The following MAGEC3 variants were observed in gnomAD, a reference collection of about 807,000 sequenced individuals.
MAGEC3 encodes MAGE family member C3.
Under a neutral mutation model 35.3 loss-of-function variants are expected in MAGEC3, and 34 were observed. That is an observed-to-expected ratio of 0.96 (90% confidence interval 0.73 to 1.28). The LOEUF is 1.28. Among genes scored for constraint, MAGEC3 ranks in the 50% most tolerant of loss-of-function variants. The pLI is 0.00. For missense variants in MAGEC3, 561 were observed against 483.6 expected, an observed-to-expected ratio of 1.16 and a Z score of -1.50; for synonymous variants, 202 against 185.6, an observed-to-expected ratio of 1.09 and a Z score of -0.72.
intron 4 of MAGEC3, 91 bp from the exon 5 acceptor site, chrX:141,895,178 A>C: frequency 1.0e-6 from 1 of 953,230 alleles, no homozygotes. Flanking sequence ...AGTGCGGGGA[A>C]GTGGTCAGGA....
intron 4 of MAGEC3, among the ~76,000 whole-genome samples, chrX:141,893,108 C>T (rs1161526946): frequency 1.8e-5 from 2 of 111,489 alleles, no homozygotes; most frequent in South Asian, 3.8e-4. Context: ...TGTCATATGG[C>T]ATTTTAGAGA....
chrX:141,895,241 C>A, intron 4 of MAGEC3, 28 bp from the exon 5 acceptor site: 1 of 1,195,864 alleles, frequency 8.4e-7, no homozygotes, highest in Non-Finnish European at 1.1e-6. Context: ...GGAGAGGAGG[C>A]CCCACCCCAC....
chrX:141,865,672 T>G (rs1157696010), intron 2 of MAGEC3, 67 bp downstream of exon 2: 1 of 1,094,735 alleles, frequency 9.1e-7, no homozygotes, highest in Non-Finnish European at 1.2e-6. Flanking sequence ...AGCCCTGCCC[T>G]CCCTGTGCTG....
intron 2 of MAGEC3, among the ~76,000 whole-genome samples, chrX:141,876,836 G>A (rs187759344): frequency 6.2e-5 from 7 of 112,064 alleles, no homozygotes; most frequent in Non-Finnish European, 1.1e-4. Flanking sequence ...AATCAGTTAA[G>A]CACATGTTTA....
At chrX:141,838,774 C>T (rs1942215766) in intron 1 of MAGEC3, 13 of 751,361 alleles carry the variant, frequency 1.7e-5, no homozygotes, top group African/African-American at 2.3e-5. Flanking sequence ...CAGCAGCCCA[C>T]GCCTTCGTCC....
At chrX:141,893,990 A>T (rs917133646) in intron 4 of MAGEC3, among the ~76,000 whole-genome samples, 9 of 112,167 alleles carry the variant, frequency 8.0e-5, no homozygotes, top group Non-Finnish European at 1.5e-4. Context: ...GGAAGAGGGG[A>T]TATGCAACAA....
In MAGEC3 at chrX:141,895,855, G is replaced by A. The variant is rs77158240; in HGVS notation, c.1123+296G>A. ...TTCCCAGGCCCTGCTGGTGATAAGA[G>A]TGAGGACGGAGAGGTCCCACGTGCA... On this transcript the variant is annotated intron_variant, in intron 6 of 7. Transcript: ENST00000298296. Among the ~76,000 whole-genome samples the A allele has an allele frequency of 1.7e-3, 188 of 110,889 alleles. 3 individuals carry two copies. In the East Asian group the frequency reaches 0.048, roughly 28 times the overall value.
At chrX:141,855,929 G>A (rs1316475151) in intron 1 of MAGEC3, among the ~76,000 whole-genome samples, 4 of 111,346 alleles carry the variant, frequency 3.6e-5, no homozygotes, top group African/African-American at 6.5e-5. Context: ...CCAAGTTGGC[G>A]ACTAGAACAT....
intron 1 of MAGEC3, among the ~76,000 whole-genome samples, chrX:141,849,891 G>T (rs749524225): frequency 2.1e-4 from 23 of 111,348 alleles, no homozygotes; most frequent in Non-Finnish European, 4.0e-4. Context: ...CAAAGGAATA[G>T]AAATTATTCT....
At chrX:141,860,494 A>G (rs1278512787) in intron 1 of MAGEC3, among the ~76,000 whole-genome samples, 1 of 111,955 alleles carries the variant, frequency 8.9e-6, no homozygotes, top group Non-Finnish European at 1.9e-5. Flanking sequence ...AGATATGTGT[A>G]CACCCACATA....
chrX:141,896,951 G>A lies in MAGEC3; in HGVS notation c.1193G>A (p.Gly398Asp). The change falls in exon 7 of 8, where the codon GGT becomes GAT. Residue 398 changes from glycine to aspartate, a missense_variant. Transcript: ENST00000298296. ...PQSPPEIPPQ[G>D]PPKISPQGPP... ...AGTCCTCCTGAGATTCCTCCCCAGG[G>A]TCCTCCCAAGATCTCTCCCCAGGGT... 1 of 1,188,888 alleles carries A rather than the reference G, an allele frequency of 8.4e-7. No homozygotes were observed. Among genetic ancestry groups the A allele is most frequent in the Non-Finnish European group, 1.1e-6 (1 of 883,845 alleles).
At chrX:141,860,724 T>C (rs2017810157) in intron 1 of MAGEC3, among the ~76,000 whole-genome samples, 1 of 112,183 alleles carries the variant, frequency 8.9e-6, no homozygotes, top group South Asian at 3.7e-4. Context: ...ATAATCCTAC[T>C]TATGTGAGGT....
At chrX:141,889,933 A>T (rs1371778838) in intron 4 of MAGEC3, among the ~76,000 whole-genome samples, 2 of 112,859 alleles carry the variant, frequency 1.8e-5, no homozygotes, top group African/African-American at 6.4e-5. Flanking sequence ...TTCTTTAGTT[A>T]AAAACATGTT....
chrX:141,874,223 C>G (rs182498083), intron 2 of MAGEC3, among the ~76,000 whole-genome samples: 1 of 111,983 alleles, frequency 8.9e-6, no homozygotes, highest in African/African-American at 3.2e-5. Flanking sequence ...AATTCAATCA[C>G]AGACCTAAAT....
At chrX:141,849,362 T>C (rs1353689389) in intron 1 of MAGEC3, among the ~76,000 whole-genome samples, 1 of 111,197 alleles carries the variant, frequency 9.0e-6, no homozygotes, top group Non-Finnish European at 1.9e-5. Flanking sequence ...TTTTTTGACA[T>C]TGACTTTGGC....
intron 2 of MAGEC3, among the ~76,000 whole-genome samples, chrX:141,875,797 C>T (rs749623467): frequency 8.9e-6 from 1 of 111,987 alleles, no homozygotes; most frequent in Admixed American, 9.4e-5. Context: ...TGGAATTTAC[C>T]CACCAGCTGC....
Position 141,878,371 on chromosome X carries a change from G to A in MAGEC3, c.259-804G>A, listed in dbSNP as rs183842223. Among the ~76,000 whole-genome samples, 11 of 111,895 alleles carry A rather than the reference G, an allele frequency of 9.8e-5. No homozygotes were observed. In the East Asian group the frequency reaches 2.5e-3, roughly 26 times the overall value. On this transcript the variant is annotated intron_variant, in intron 2 of 7. Coordinates refer to ENST00000298296, the MANE Select transcript of MAGEC3 (RefSeq NM_138702.1). ...GGGTAAAATTACATTATTTTTTGCC[G>A]TATGTTATACTGTCATCATGAGAAG... is the stretch of plus-strand genomic sequence containing the variant.
chrX:141,873,820 T>C (rs1437246576), intron 2 of MAGEC3, among the ~76,000 whole-genome samples: 2 of 111,940 alleles, frequency 1.8e-5, no homozygotes, highest in African/African-American at 6.5e-5. Context: ...CCAGTCAAAA[T>C]CCTAGCATGT....
intron 6 of MAGEC3, 136 bp from the exon 7 acceptor site, chrX:141,896,746 A>G (rs1326311240): frequency 2.5e-6 from 3 of 1,209,851 alleles, no homozygotes; most frequent in Non-Finnish European, 3.4e-6. Flanking sequence ...ACAGGATTCC[A>G]TAGATGAGGA....
Sources: gnomAD v4.1 joint callset for allele counts (sites outside exome capture counted in the v4.1 genomes callset) on GRCh38, gnomAD v4.1.1 for gene constraint, MANE v1.5 for transcripts, NCBI Gene and HGNC (gene_info 2026-07-23, HGNC 2026-07-21) for gene names.